CSMD1: variants seen among roughly 807,000 people sequenced by gnomAD.
CSMD1 encodes the protein CUB and Sushi multiple domains 1.
In CSMD1, 213 loss-of-function variants were observed where a neutral mutation model predicts 417.5. That is an observed-to-expected ratio of 0.51 (90% CI 0.46 to 0.57). The LOEUF is 0.57. CSMD1 is among the 20% of genes least tolerant of loss of function. CSMD1 has a pLI of 0.00. For missense variants in CSMD1, 6,923 were observed against 4,529.7 expected, an observed-to-expected ratio of 1.53 and a Z score of -15.17; for synonymous variants, 2,862 against 1,736.8, an observed-to-expected ratio of 1.65 and a Z score of -16.11.
intron 12 of CSMD1, among the ~76,000 whole-genome samples, chr8:3,451,214 AG>A (rs1477489995): frequency 2.0e-5 from 3 of 152,208 alleles, no homozygotes; most frequent in Admixed American, 1.3e-4. Flanking sequence ...TCTGGATATT[AG>A]CCCTTTGTCA....
At chr8:4,273,242 A>C (rs1211933560) in intron 3 of CSMD1, among the ~76,000 whole-genome samples, 1 of 152,140 alleles carries the variant, frequency 6.6e-6, no homozygotes, top group Non-Finnish European at 1.5e-5. Flanking sequence ...ATAACTTATA[A>C]AAAGGCAATG....
chr8:4,320,321 ATT>A (rs1439694414), intron 3 of CSMD1, among the ~76,000 whole-genome samples: 2 of 152,186 alleles, frequency 1.3e-5, no homozygotes, highest in African/African-American at 4.8e-5. Flanking sequence ...CCTTCAGGCT[ATT>A]TGTTTTCCTT....
chr8:4,456,767 C>G (rs983184272), intron 2 of CSMD1, among the ~76,000 whole-genome samples: 1 of 152,042 alleles, frequency 6.6e-6, no homozygotes, highest in Non-Finnish European at 1.5e-5. Flanking sequence ...AGGGAGAAGA[C>G]CCATCTGACA....
intron 51 of CSMD1, among the ~76,000 whole-genome samples, chr8:3,026,282 C>T (rs1390924828): frequency 2.6e-5 from 4 of 151,908 alleles, no homozygotes; most frequent in South Asian, 2.1e-4. Flanking sequence ...ACCACAAGGA[C>T]ATGAACTCTG....
At chr8:4,006,629 G>A (rs1175129608) in intron 4 of CSMD1, among the ~76,000 whole-genome samples, 5 of 152,110 alleles carry the variant, frequency 3.3e-5, no homozygotes, top group Non-Finnish European at 1.5e-5. Flanking sequence ...AAATCCATAG[G>A]TAAGCAAGAG....
intron 5 of CSMD1, among the ~76,000 whole-genome samples, chr8:3,769,052 G>C (rs779589108): frequency 1.3e-5 from 2 of 152,216 alleles, no homozygotes; most frequent in Non-Finnish European, 2.9e-5. Flanking sequence ...GGTGTGTTTG[G>C]TTAGAAAGTC....
chr8:3,287,518 A>T (rs970452544), intron 25 of CSMD1, among the ~76,000 whole-genome samples: 8 of 152,078 alleles, frequency 5.3e-5, no homozygotes. Context: ...GGTCCTTCAC[A>T]TCCCTTGTAA....
intron 9 of CSMD1, among the ~76,000 whole-genome samples, chr8:3,578,737 C>T (rs1800257168): frequency 6.6e-6 from 1 of 152,184 alleles, no homozygotes; most frequent in Admixed American, 6.5e-5. Context: ...ACTGTTCTGA[C>T]TGGGACTGGA....
chr8:3,322,142 T>A (rs1806192757), intron 23 of CSMD1, among the ~76,000 whole-genome samples: 1 of 152,234 alleles, frequency 6.6e-6, no homozygotes, highest in South Asian at 2.1e-4. Context: ...ATTTTGGTCA[T>A]AATGAGTTTG....
At chr8:3,616,650 C>G (rs1343888232) in intron 8 of CSMD1, 60 bp downstream of exon 8, 2 of 1,100,298 alleles carry the variant, frequency 1.8e-6, no homozygotes, top group Non-Finnish European at 2.7e-6. Flanking sequence ...TAACTGCAAG[C>G]TGAAATAATA....
At chr8:4,134,274 T>C (rs1438193284) in intron 3 of CSMD1, among the ~76,000 whole-genome samples, 2 of 152,150 alleles carry the variant, frequency 1.3e-5, no homozygotes, top group African/African-American at 4.8e-5. Context: ...CCACAAAATG[T>C]GACTGTATTT....
intron 5 of CSMD1, among the ~76,000 whole-genome samples, chr8:3,770,348 G>A (rs1346367185): frequency 6.6e-6 from 1 of 152,144 alleles, no homozygotes; most frequent in East Asian, 1.9e-4. Flanking sequence ...GTCCTATGTG[G>A]TGAAACCCCG....
intron 26 of CSMD1, among the ~76,000 whole-genome samples, chr8:3,258,928 C>G (rs1238995220): frequency 6.6e-6 from 1 of 152,160 alleles, no homozygotes; most frequent in South Asian, 2.1e-4. Flanking sequence ...ACAATAGACA[C>G]TGCGGTCTCC....
rs552996786 is a variant in CSMD1, at chr8:4,161,703, G to A, written c.416-129604C>T. 6.6e-5 allele frequency among the ~76,000 whole-genome samples: 10 copies of A among 152,208 alleles called. No homozygotes were observed. In the East Asian group the frequency reaches 7.7e-4, roughly 12 times the overall value. Reference sequence around the variant, plus strand: ...ACAATTTAGCAGAAAAATCTGCCACGAATCATAAGAAAACCATTGCTGCCA... The same window carrying A: ...ACAATTTAGCAGAAAAATCTGCCACAAATCATAAGAAAACCATTGCTGCCA... On this transcript the variant is annotated intron_variant, in intron 3 of 69. Coordinates refer to ENST00000635120, the MANE Select transcript of CSMD1 (RefSeq NM_033225.6).
intron 10 of CSMD1, among the ~76,000 whole-genome samples, chr8:3,500,884 T>A (rs1016544106): frequency 6.6e-6 from 1 of 152,086 alleles, no homozygotes; most frequent in Non-Finnish European, 1.5e-5. Flanking sequence ...CTAACATGGA[T>A]GAAGAGAAGT....
rs368708653 is a variant in CSMD1 at position 4,952,913 on chromosome 8, C to G, written c.85+41419G>C. Among the ~76,000 whole-genome samples, 36 of 152,230 alleles carry G rather than the reference C, an allele frequency of 2.4e-4. 2 individuals carry two copies. In the South Asian group the frequency reaches 7.0e-3, roughly 30 times the overall value. ...GTTTTTGAATGAAATCTATACTGAA[C>G]TGATTCACTGCTACATACTACAAGA... On this transcript the variant is annotated intron_variant, in intron 1 of 69. Transcript: ENST00000635120.
In CSMD1 at chr8:4,757,419, T is replaced by G. The variant is rs180671454; in HGVS notation, c.86-119861A>C. On this transcript the variant is annotated intron_variant, in intron 1 of 69. Transcript: ENST00000635120. ...CGTTCATCTATACAATAGTCACCAATTATGAGCTGTGATCCTGGAGAGCAG... is the reference window on the plus strand; with the variant it reads ...CGTTCATCTATACAATAGTCACCAAGTATGAGCTGTGATCCTGGAGAGCAG... Among the ~76,000 whole-genome samples the G allele has an allele frequency of 4.1e-3, 623 of 152,224 alleles. 8 individuals carry two copies. The highest frequency in any genetic ancestry group is 0.017 in the Middle Eastern group (5 of 294).
At chr8:4,902,245 TA>T (rs1460915895) in intron 1 of CSMD1, among the ~76,000 whole-genome samples, 1 of 150,320 alleles carries the variant, frequency 6.7e-6, no homozygotes, top group Non-Finnish European at 1.5e-5. Flanking sequence ...CTCCATCCAT[TA>T]AAAAGACAAA....
At chr8:4,871,754 T>C (rs1802750900) in intron 1 of CSMD1, among the ~76,000 whole-genome samples, 1 of 152,128 alleles carries the variant, frequency 6.6e-6, no homozygotes, top group South Asian at 2.1e-4. Flanking sequence ...GTATGGGAGC[T>C]TATTTTTCCC....
Sources: allele counts gnomAD v4.1 joint callset (sites outside exome capture counted in the v4.1 genomes callset), GRCh38; gene constraint gnomAD v4.1.1; transcripts MANE v1.5; gene names NCBI Gene and HGNC (gene_info 2026-07-23, HGNC 2026-07-21).